Variants in FHOD3 observed in about 807,000 individuals in gnomAD.
FHOD3 encodes the protein FH1/FH2 domain-containing protein 3.
FHOD3 carries 90 observed loss-of-function variants against 173.0 expected under a neutral mutation model. That is an observed-to-expected ratio of 0.52 (90% CI 0.44 to 0.62). The LOEUF is 0.62. Among genes scored for constraint, FHOD3 ranks in the 20% least tolerant of loss-of-function variants. FHOD3 has a pLI of 0.00. For missense variants in FHOD3, 1,945 were observed against 2,034.7 expected (o/e 0.96, Z 0.85); for synonymous variants, 828 against 823.0 (o/e 1.01, Z -0.10).
chr18:36,624,838 T>C (rs551481710), intron 9 of FHOD3, among the ~76,000 whole-genome samples: 2 of 152,336 alleles, frequency 1.3e-5, no homozygotes, highest in South Asian at 4.1e-4. Context: ...AGGAGTTGTC[T>C]TTTTGTGTTG....
At chr18:36,328,400 G>T (rs925661065) in intron 1 of FHOD3, among the ~76,000 whole-genome samples, 2 of 152,146 alleles carry the variant, frequency 1.3e-5, no homozygotes, top group African/African-American at 4.8e-5. Flanking sequence ...TGAGATGGGA[G>T]TGTGCCTAGC....
intron 5 of FHOD3, among the ~76,000 whole-genome samples, chr18:36,556,936 C>T (rs2057910850): frequency 6.6e-6 from 1 of 152,106 alleles, no homozygotes; most frequent in South Asian, 2.1e-4. Flanking sequence ...ATTTTTTCAC[C>T]TGGTATAAAA....
chr18:36,383,336 T>A (rs1020377983), intron 3 of FHOD3, among the ~76,000 whole-genome samples: 1 of 152,184 alleles, frequency 6.6e-6, no homozygotes, highest in Non-Finnish European at 1.5e-5. Context: ...GTTCTCAGGG[T>A]GCTGTGCTGC....
At chr18:36,305,736 G>A (rs2092075834) in intron 1 of FHOD3, among the ~76,000 whole-genome samples, 1 of 152,220 alleles carries the variant, frequency 6.6e-6, no homozygotes, top group Admixed American at 6.5e-5. Context: ...GAGACTCTGA[G>A]TAGTGGGGTG....
At chr18:36,534,647 G>T (rs555452421) in intron 5 of FHOD3, among the ~76,000 whole-genome samples, 3 of 152,156 alleles carry the variant, frequency 2.0e-5, no homozygotes, top group African/African-American at 7.2e-5. Flanking sequence ...AGGGTAGCTC[G>T]TTAAGCCCAG....
Position 36,566,453 on chromosome 18 carries a change from G to A in FHOD3, c.512-9998G>A, listed in dbSNP as rs1042774637. On this transcript the variant is annotated intron_variant, in intron 5 of 28. Coordinates refer to ENST00000590592, the MANE Select transcript of FHOD3 (RefSeq NM_001281740.3). ...TTCAAGTCAAAGCCTTCAGATGGTA[G>A]CAAAAGGTTCAGAGACAAAGGAGCC... 3.0e-4 allele frequency among the ~76,000 whole-genome samples: 45 copies of A among 152,176 alleles called. 1 individual carries two copies. The highest frequency in any genetic ancestry group is 1.1e-3 in the African/African-American group (44 of 41,438).
At chr18:36,592,178 C>G (rs1358219478) in intron 6 of FHOD3, among the ~76,000 whole-genome samples, 1 of 152,156 alleles carries the variant, frequency 6.6e-6, no homozygotes, top group Non-Finnish European at 1.5e-5. Flanking sequence ...GAGATTGCAC[C>G]ACTTGCCTCC....
chr18:36,632,780 C>T (rs990799788), intron 10 of FHOD3, among the ~76,000 whole-genome samples: 7 of 152,080 alleles, frequency 4.6e-5, no homozygotes, highest in Admixed American at 2.0e-4. Flanking sequence ...CGAATCTATA[C>T]GGGTCTGCAT....
At chr18:36,601,440 G>T (rs767032867) in intron 7 of FHOD3, among the ~76,000 whole-genome samples, 9 of 152,036 alleles carry the variant, frequency 5.9e-5, no homozygotes, top group Non-Finnish European at 1.2e-4. Context: ...TTTTAAAATT[G>T]CTTCAGCTTA....
chr18:36,465,410 C>T (rs766922004), intron 3 of FHOD3, among the ~76,000 whole-genome samples: 44 of 152,128 alleles, frequency 2.9e-4, no homozygotes, highest in African/African-American at 4.1e-4. Flanking sequence ...ACCATGGGTC[C>T]GAAATGACCT....
At chr18:36,383,832 G>C (rs535957611) in intron 3 of FHOD3, among the ~76,000 whole-genome samples, 1 of 152,214 alleles carries the variant, frequency 6.6e-6, no homozygotes, top group African/African-American at 2.4e-5. Flanking sequence ...TGACTGAGTT[G>C]AGATTTGCAC....
chr18:36,617,792 T>C (rs1047448553), intron 9 of FHOD3, among the ~76,000 whole-genome samples: 1 of 152,152 alleles, frequency 6.6e-6, no homozygotes. Flanking sequence ...GTTAAATATA[T>C]ATGTGTGTGG....
chr18:36,740,520 G>T, intron 20 of FHOD3, 136 bp from the exon 21 acceptor site: 1 of 879,644 alleles, frequency 1.1e-6, no homozygotes, highest in Non-Finnish European at 1.7e-6. Context: ...AAGTATATTT[G>T]GTTTATGACA....
intron 27 of FHOD3, among the ~76,000 whole-genome samples, chr18:36,767,655 T>C (rs879926858): frequency 2.0e-5 from 3 of 152,242 alleles, no homozygotes; most frequent in Non-Finnish European, 4.4e-5. Context: ...ATCATTGTTC[T>C]ATAGCCACAG....
Position 36,665,410 on chromosome 18 carries a change from G to A in FHOD3, c.1835+7222G>A, listed in dbSNP as rs191434043. Among the ~76,000 whole-genome samples, 16 of 152,320 alleles carry A rather than the reference G, an allele frequency of 1.1e-4. No homozygotes were observed. The East Asian group carries it at 2.3e-3, about 22-fold the overall frequency. On this transcript the variant is annotated intron_variant, in intron 14 of 28. Transcript: ENST00000590592. ...GCAAATAAAGAGTTTCCACTGCAGT[G>A]AATGCTGCGAAGAAAATGAACCTTC...
chr18:36,730,729 G>A lies in FHOD3; in HGVS notation c.3501G>A (p.Val1167=), dbSNP rs764488196. 1 of 1,614,212 alleles carries A rather than the reference G, an allele frequency of 6.2e-7. No individual in the cohort carries two copies. The highest frequency in any genetic ancestry group is 1.1e-5 in the South Asian group (1 of 91,076). Residue 1167 remains valine, a synonymous_variant, in exon 20 of 29, where the codon GTG becomes GTA. Coordinates refer to ENST00000590592, the MANE Select transcript of FHOD3 (RefSeq NM_001281740.3). The part of the protein sequence containing the change: ...RSNAINIGLT[V]LPPPRTIKIA... ...ACGCCATCAATATTGGTCTGACGGT[G>A]CTGCCCCCTCCAAGGACGATTAAGA...
intron 16 of FHOD3, among the ~76,000 whole-genome samples, chr18:36,688,512 G>A (rs955281892): frequency 1.5e-4 from 23 of 152,182 alleles, no homozygotes; most frequent in African/African-American, 5.3e-4. Context: ...AGTTGTGGCT[G>A]GCAAATCTAG....
chr18:36,718,000 C>T lies in FHOD3; in HGVS notation c.2702C>T (p.Ala901Val), dbSNP rs146524905. 59 of 1,611,100 alleles carry T rather than the reference C, an allele frequency of 3.7e-5. No homozygotes were observed. Among genetic ancestry groups the T allele is most frequent in the Admixed American group, 1.7e-4 (10 of 59,718 alleles). The change falls in exon 19 of 29, where the codon GCG becomes GTG. Residue 901 changes from alanine (A) to valine (V), a missense_variant. Coordinates refer to ENST00000590592, the MANE Select transcript of FHOD3 (RefSeq NM_001281740.3). ...GGGAGGACCCAGCAGGAGGCAGAGG[C>T]GGTAGCCAGCCTTGCTACCAGGATA... is the stretch of plus-strand genomic sequence containing the variant. ...EAGRTQQEAE[A>V]VASLATRIST...
At chr18:36,327,833 G>A (rs904176019) in intron 1 of FHOD3, among the ~76,000 whole-genome samples, 1 of 152,226 alleles carries the variant, frequency 6.6e-6, no homozygotes, top group African/African-American at 2.4e-5. Flanking sequence ...TACAGTCTCT[G>A]TGGCAATGAC....
Sources: allele counts gnomAD v4.1 joint callset (sites outside exome capture counted in the v4.1 genomes callset), GRCh38; gene constraint gnomAD v4.1.1; transcripts MANE v1.5; gene names NCBI Gene and HGNC (gene_info 2026-07-23, HGNC 2026-07-21).